The following KCNJ6 variants were observed in gnomAD, a reference collection of about 807,000 sequenced individuals.
The protein encoded by KCNJ6 is G protein-activated inward rectifier potassium channel 2.
In KCNJ6, 9 loss-of-function variants were observed where a neutral mutation model predicts 34.2. The ratio of observed to expected loss-of-function variants is 0.26; its 90% CI spans 0.16 to 0.46. The LOEUF (loss-of-function observed/expected upper bound fraction) is 0.46, where lower values mean the gene tolerates loss of function less well. KCNJ6 is among the 20% of genes least tolerant of loss of function. KCNJ6 has a pLI of 1.00. For synonymous variants in KCNJ6, 196 were observed against 207.1 expected (o/e 0.95, Z 0.46); for missense variants, 236 against 531.3 (o/e 0.44, Z 5.46).
At chr21:37,634,773 T>G (rs1000265460) in intron 3 of KCNJ6, among the ~76,000 whole-genome samples, 2 of 152,090 alleles carry the variant, frequency 1.3e-5, no homozygotes, top group Admixed American at 1.3e-4. Context: ...TTTTTTTTTT[T>G]TTTCAGACAG....
chr21:37,635,115 T>C (rs1395043399), intron 3 of KCNJ6, among the ~76,000 whole-genome samples: 3 of 152,094 alleles, frequency 2.0e-5, no homozygotes, highest in Non-Finnish European at 1.5e-5. Flanking sequence ...AGTAGTTATA[T>C]TGGGGTGAGA....
chr21:37,782,895 GT>G (rs1481625874), intron 2 of KCNJ6, among the ~76,000 whole-genome samples: 3 of 152,172 alleles, frequency 2.0e-5, no homozygotes, highest in Non-Finnish European at 4.4e-5. Context: ...CCTGATTTGT[GT>G]GATAAATTAC....
intron 1 of KCNJ6, 125 bp downstream of exon 1, chr21:37,915,759 G>C (rs1279631697): frequency 3.9e-5 from 6 of 152,242 alleles, no homozygotes; most frequent in African/African-American, 1.4e-4. Context: ...TGTTTCTCAT[G>C]AGAGTGGAGA....
At chr21:37,729,423 A>G (rs8132902) in intron 2 of KCNJ6, among the ~76,000 whole-genome samples, 21,471 of 151,972 alleles carry the variant, frequency 0.14, 1,969 homozygotes, top group African/African-American at 0.27. Context: ...TTCTGGGCCC[A>G]AGCAATCCTC....
intron 2 of KCNJ6, among the ~76,000 whole-genome samples, chr21:37,825,297 A>G (rs1199547034): frequency 6.6e-6 from 1 of 152,178 alleles, no homozygotes; most frequent in African/African-American, 2.4e-5. Context: ...ACTAAATATA[A>G]TTCACTGAGA....
intron 3 of KCNJ6, among the ~76,000 whole-genome samples, chr21:37,648,835 C>T (rs879823759): frequency 2.6e-5 from 4 of 152,018 alleles, no homozygotes; most frequent in Admixed American, 2.0e-4. Flanking sequence ...AGGTCACCTA[C>T]AGAAAGGGAG....
At chr21:37,850,051 C>T (rs2055529629) in intron 1 of KCNJ6, among the ~76,000 whole-genome samples, 1 of 152,120 alleles carries the variant, frequency 6.6e-6, no homozygotes, top group Non-Finnish European at 1.5e-5. Context: ...GAATTTCTGC[C>T]CCAGAAAGTA....
In KCNJ6 at chr21:37,855,384, C is replaced by G. The variant is rs79081354; in HGVS notation, c.-27-14675G>C. Among the ~76,000 whole-genome samples the G allele has an allele frequency of 7.1e-3, 1,087 of 152,294 alleles. 7 individuals are homozygous for G. The highest frequency in any genetic ancestry group is 0.013 in the Non-Finnish European group (867 of 68,036). ...TCTTTAGCTTCTTTATTGGAACACTCTCTCTGATCTTGGAGAATTAGCATA... is the reference window on the plus strand; with the variant it reads ...TCTTTAGCTTCTTTATTGGAACACTGTCTCTGATCTTGGAGAATTAGCATA... On this transcript the variant is annotated intron_variant, in intron 1 of 3. Coordinates refer to ENST00000609713, the MANE Select transcript of KCNJ6 (RefSeq NM_002240.5).
At chr21:37,632,566 A>T (rs998228539) in intron 3 of KCNJ6, among the ~76,000 whole-genome samples, 8 of 152,182 alleles carry the variant, frequency 5.3e-5, no homozygotes, top group African/African-American at 1.9e-4. Context: ...GAATCAATAA[A>T]GGCAAAAGTT....
chr21:37,652,572 A>G (rs2054438873), intron 3 of KCNJ6, among the ~76,000 whole-genome samples: 1 of 152,132 alleles, frequency 6.6e-6, no homozygotes, highest in African/African-American at 2.4e-5. Flanking sequence ...AGAGAGGTCA[A>G]ATATTTGGGA....
rs557836194 is a variant in KCNJ6, at chr21:37,642,675, C to T, written c.947-17191G>A. Among the ~76,000 whole-genome samples, 626 of 152,102 alleles carry T rather than the reference C, an allele frequency of 4.1e-3. 7 individuals carry two copies. Among genetic ancestry groups the T allele is most frequent in the African/African-American group, 0.014 (592 of 41,494 alleles). On this transcript the variant is annotated intron_variant, in intron 3 of 3. Transcript: ENST00000609713. Reference sequence around the variant, plus strand: ...GTTCTGAAAGCCGTGAGCATCCGACCATGTTTAAACATGGCTGAGAAAGGC... The same window carrying T: ...GTTCTGAAAGCCGTGAGCATCCGACTATGTTTAAACATGGCTGAGAAAGGC...
chr21:37,826,101 C>T (rs2055397848), intron 2 of KCNJ6, among the ~76,000 whole-genome samples: 3 of 152,154 alleles, frequency 2.0e-5, no homozygotes, highest in African/African-American at 7.2e-5. Context: ...TTCTCCAAGG[C>T]CCAGCTTTCT....
At chr21:37,914,687 C>T (rs766655869) in intron 1 of KCNJ6, among the ~76,000 whole-genome samples, 2 of 152,238 alleles carry the variant, frequency 1.3e-5, no homozygotes, top group African/African-American at 4.8e-5. Flanking sequence ...GTTAGCTCAG[C>T]CCTGACTGTA....
chr21:37,895,551 T>C (rs2055783520), intron 1 of KCNJ6, among the ~76,000 whole-genome samples: 1 of 152,228 alleles, frequency 6.6e-6, no homozygotes, highest in African/African-American at 2.4e-5. Flanking sequence ...ATAGAGGTCA[T>C]TCTTTGGAAG....
chr21:37,795,621 T>G (rs1167650484), intron 2 of KCNJ6, among the ~76,000 whole-genome samples: 1 of 151,634 alleles, frequency 6.6e-6, no homozygotes, highest in Non-Finnish European at 1.5e-5. Context: ...GGTGGGTGCC[T>G]GTAATCCCAG....
chr21:37,896,292 T>A (rs1344849706), intron 1 of KCNJ6, among the ~76,000 whole-genome samples: 1 of 152,198 alleles, frequency 6.6e-6, no homozygotes, highest in Non-Finnish European at 1.5e-5. Flanking sequence ...AACTCCATTA[T>A]TAGGATTACA....
At chr21:37,739,640 T>A (rs2054930010) in intron 2 of KCNJ6, among the ~76,000 whole-genome samples, 1 of 152,198 alleles carries the variant, frequency 6.6e-6, no homozygotes, top group Non-Finnish European at 1.5e-5. Context: ...GTTTTTCATT[T>A]TTTTGAGTGC....
chr21:37,810,273 G>A (rs1408175025), intron 2 of KCNJ6, among the ~76,000 whole-genome samples: 1 of 152,082 alleles, frequency 6.6e-6, no homozygotes, highest in East Asian at 1.9e-4. Context: ...GTATTCCATT[G>A]AATGATTATA....
intron 1 of KCNJ6, among the ~76,000 whole-genome samples, chr21:37,852,020 G>A (rs1019239734): frequency 3.3e-5 from 5 of 152,138 alleles, no homozygotes; most frequent in African/African-American, 4.8e-5. Flanking sequence ...AAAGACCTAG[G>A]AGAGAGGTAG....
Sources: allele counts gnomAD v4.1 joint callset (sites outside exome capture counted in the v4.1 genomes callset), GRCh38; gene constraint gnomAD v4.1.1; transcripts MANE v1.5; gene names NCBI Gene and HGNC (gene_info 2026-07-23, HGNC 2026-07-21).